Variants in PRKAG2 observed in about 807,000 individuals in gnomAD.
The protein encoded by PRKAG2 is protein kinase AMP-activated non-catalytic subunit gamma 2.
Under a neutral mutation model 69.6 loss-of-function variants are expected in PRKAG2, and 26 were observed. The observed-to-expected ratio is 0.37, with a 90% CI of 0.27 to 0.52. The LOEUF is 0.52. PRKAG2 is among the 20% of genes least tolerant of loss of function. PRKAG2 has a pLI of 0.90. For synonymous variants in PRKAG2, 293 were observed against 285.0 expected (o/e 1.03, Z -0.28); for missense variants, 557 against 740.0 (o/e 0.75, Z 2.87).
chr7:151,754,630 T>G (rs2074944453), intron 3 of PRKAG2, among the ~76,000 whole-genome samples: 1 of 152,192 alleles, frequency 6.6e-6, no homozygotes. Flanking sequence ...CCCAGGGCCC[T>G]TTGTACAACT....
rs558779279 is a variant in PRKAG2, at chr7:151,586,157, C to T, written c.864+9188G>A. Among the ~76,000 whole-genome samples the T allele has an allele frequency of 3.3e-5, 5 of 152,334 alleles. No individual in the cohort carries two copies. In the South Asian group the frequency reaches 1.0e-3, roughly 32 times the overall value. On this transcript the variant is annotated intron_variant, in intron 6 of 15. Coordinates refer to ENST00000287878, the MANE Select transcript of PRKAG2 (RefSeq NM_016203.4). ...TTAGAAACCTTGCTCCAGGTGTTGA[C>T]TGAGATTTAAATATTAATTGATCTG...
In PRKAG2 at chr7:151,760,639, T is replaced by C. The variant is rs560998808; in HGVS notation, c.466+20513A>G. On this transcript the variant is annotated intron_variant, in intron 3 of 15. Transcript: ENST00000287878. ...CCCCAGACCTCTGAGTGGCTCTCTCTCTGGCTCCAGTGTGGTCTCCTTACC... is the reference window on the plus strand; with the variant it reads ...CCCCAGACCTCTGAGTGGCTCTCTCCCTGGCTCCAGTGTGGTCTCCTTACC... 2.4e-3 allele frequency among the ~76,000 whole-genome samples: 360 copies of C among 152,330 alleles called. 6 individuals are homozygous for C. In the East Asian group the frequency reaches 0.05, roughly 21 times the overall value.
chr7:151,818,781 G>A (rs957422693), intron 1 of PRKAG2, among the ~76,000 whole-genome samples: 3 of 152,210 alleles, frequency 2.0e-5, no homozygotes, highest in African/African-American at 4.8e-5. Flanking sequence ...GGGATTCGGG[G>A]CACGGCATGC....
intron 1 of PRKAG2, among the ~76,000 whole-genome samples, chr7:151,830,784 G>C: frequency 8.6e-6 from 1 of 116,062 alleles, no homozygotes; most frequent in African/African-American, 2.8e-5. Context: ...GATGGGGGCG[G>C]GGCGGGGGGG....
intron 3 of PRKAG2, among the ~76,000 whole-genome samples, chr7:151,757,346 G>A (rs1483943238): frequency 6.6e-6 from 1 of 152,098 alleles, no homozygotes; most frequent in African/African-American, 2.4e-5. Flanking sequence ...AGGACCTGAA[G>A]TTTTACAAGT....
intron 3 of PRKAG2, among the ~76,000 whole-genome samples, chr7:151,769,018 G>A (rs117939077): frequency 6.6e-6 from 1 of 152,332 alleles, no homozygotes; most frequent in Non-Finnish European, 1.5e-5. Flanking sequence ...GCTCCATGGA[G>A]GGTGTCCCCC....
At position 151,872,638 on chromosome 7, in the gene PRKAG2, C is replaced by T. The variant is rs114367553; in HGVS notation, c.114+3869G>A. Reference sequence around the variant, plus strand: ...CAGAACTTCCCACTGAGCAGCAGGGCGGCTGGGCCATTGGCCACCAACTGG... The same window carrying T: ...CAGAACTTCCCACTGAGCAGCAGGGTGGCTGGGCCATTGGCCACCAACTGG... On this transcript the variant is annotated intron_variant, in intron 1 of 15. Coordinates refer to ENST00000287878, the MANE Select transcript of PRKAG2 (RefSeq NM_016203.4). Among the ~76,000 whole-genome samples the T allele has an allele frequency of 9.6e-3, 1,467 of 152,352 alleles. 20 individuals are homozygous for T. The highest frequency in any genetic ancestry group is 0.034 in the African/African-American group (1,398 of 41,582).
intron 1 of PRKAG2, among the ~76,000 whole-genome samples, chr7:151,795,811 G>T (rs10252278): frequency 0.1 from 13,056 of 130,036 alleles, 897 homozygotes; most frequent in East Asian, 0.27. Flanking sequence ...TTCCAGTTCC[G>T]ACCAACGCAT....
chr7:151,610,104 A>G (rs1818415150), intron 5 of PRKAG2, among the ~76,000 whole-genome samples: 1 of 152,224 alleles, frequency 6.6e-6, no homozygotes, highest in Admixed American at 6.5e-5. Flanking sequence ...TGTGGCTCAC[A>G]TCTGTAATCC....
chr7:151,846,853 G>C (rs1165081113), intron 1 of PRKAG2, among the ~76,000 whole-genome samples: 1 of 152,192 alleles, frequency 6.6e-6, no homozygotes. Flanking sequence ...TAAAAAGCTT[G>C]GTCATATTTG....
In PRKAG2 at chr7:151,814,969, T is replaced by C. The variant is rs914031054; in HGVS notation, c.115-28428A>G. ...GGGAGGCAGGAGCAGAGGCCGATGA[T>C]GCAGCAGTGGACAGCTCTGGGCTCC... On this transcript the variant is annotated intron_variant, in intron 1 of 15. Transcript: ENST00000287878. This position sits in a 1 kb window ranked among gnomAD's most constrained non-coding sequence, Gnocchi z 4.8. 1.5e-5 allele frequency: 13 copies of C among 868,658 alleles called. No homozygotes were observed. Among genetic ancestry groups the C allele is most frequent in the Middle Eastern group, 3.9e-4 (1 of 2,544 alleles). The allele number at this position is 868,658 out of a possible 1,614,324, so 53.8% of individuals were successfully genotyped here.
chr7:151,768,743 A>G (rs2075869729), intron 3 of PRKAG2, among the ~76,000 whole-genome samples: 1 of 152,220 alleles, frequency 6.6e-6, no homozygotes, highest in South Asian at 2.1e-4. Flanking sequence ...CTGAGATTGT[A>G]GGCGTGAGCC....
In PRKAG2 at chr7:151,781,993, C is replaced by T. The variant is rs545185928; in HGVS notation, c.187-562G>A. Among the ~76,000 whole-genome samples the T allele has an allele frequency of 1.7e-3, 255 of 152,140 alleles. No individual in the cohort carries two copies. The highest frequency in any genetic ancestry group is 2.8e-3 in the Non-Finnish European group (193 of 68,002). On this transcript the variant is annotated intron_variant, in intron 2 of 15. Coordinates refer to ENST00000287878, the MANE Select transcript of PRKAG2 (RefSeq NM_016203.4). This position sits in a 1 kb window ranked among gnomAD's most constrained non-coding sequence, Gnocchi z 6.1. ...CAGGAGAAAAGTTCACAAAGCCAGC[C>T]GGGTACGGTGACTCACGCCTGTAAT... is the stretch of plus-strand genomic sequence containing the variant.
intron 6 of PRKAG2, among the ~76,000 whole-genome samples, chr7:151,585,959 T>C (rs976124907): frequency 1.3e-5 from 2 of 152,202 alleles, no homozygotes; most frequent in Admixed American, 1.3e-4. Flanking sequence ...GGGATCTTCC[T>C]AGGACTGCAT....
At chr7:151,668,297 T>C (rs1328876998) in intron 4 of PRKAG2, among the ~76,000 whole-genome samples, 1 of 152,198 alleles carries the variant, frequency 6.6e-6, no homozygotes, top group Non-Finnish European at 1.5e-5. Context: ...AGCTGCTCCA[T>C]CTTGAGCTTT....
chr7:151,601,830 C>T (rs552710917), intron 5 of PRKAG2, among the ~76,000 whole-genome samples: 1 of 152,340 alleles, frequency 6.6e-6, no homozygotes, highest in African/African-American at 2.4e-5. Flanking sequence ...CAACCCTTGT[C>T]CTTACAGACA....
Position 151,828,858 on chromosome 7 carries a change from C to T in PRKAG2, c.115-42317G>A, listed in dbSNP as rs2078963709. Reference sequence around the variant, plus strand: ...CTCAGGAGTTTGAGGCTGCAGTGAGCTATGATCACACCAATGTACTCCAGC... The same window carrying T: ...CTCAGGAGTTTGAGGCTGCAGTGAGTTATGATCACACCAATGTACTCCAGC... On this transcript the variant is annotated intron_variant, in intron 1 of 15. Transcript: ENST00000287878. This position sits in a 1 kb window ranked among gnomAD's most constrained non-coding sequence, Gnocchi z 4.6. Among the ~76,000 whole-genome samples the T allele has an allele frequency of 6.6e-6, 1 of 152,114 alleles. No individual in the cohort carries two copies. The highest frequency in any genetic ancestry group is 6.5e-5 in the Admixed American group (1 of 15,282).
At chr7:151,778,838 A>C (rs9632641) in intron 3 of PRKAG2, among the ~76,000 whole-genome samples, 32,353 of 152,130 alleles carry the variant, frequency 0.21, 3,515 homozygotes, top group African/African-American at 0.26. Context: ...TCCACTCCTA[A>C]TTCTTCACTT....
At chr7:151,794,835 G>C (rs1288727810) in intron 1 of PRKAG2, among the ~76,000 whole-genome samples, 1 of 152,242 alleles carries the variant, frequency 6.6e-6, no homozygotes, top group Non-Finnish European at 1.5e-5. Context: ...CTCGTGCAAA[G>C]GGCAGCCGAG....
Sources: allele counts gnomAD v4.1 joint callset (sites outside exome capture counted in the v4.1 genomes callset), GRCh38; gene constraint gnomAD v4.1.1; non-coding constraint Gnocchi (gnomAD v3.1); transcripts MANE v1.5; gene names NCBI Gene and HGNC (gene_info 2026-07-23, HGNC 2026-07-21).